Variants in SLC16A5 observed in about 807,000 individuals in gnomAD.
SLC16A5 encodes the protein solute carrier family 16 member 5, also known as monocarboxylate transporter 6.
SLC16A5 carries 29 observed loss-of-function variants against 33.2 expected under a neutral mutation model. That is an observed-to-expected ratio of 0.87 (90% CI 0.65 to 1.19). SLC16A5 has a LOEUF of 1.19. Ranked by LOEUF, SLC16A5 falls within the 50% of genes most tolerant of loss-of-function variation. The probability of loss-of-function intolerance (pLI) is 0.00; values close to 1 mark genes in which losing one functional copy is unlikely to be tolerated. For synonymous variants in SLC16A5, 248 were observed against 284.1 expected, an observed-to-expected ratio of 0.87 and a Z score of 1.28; for missense variants, 606 against 678.2, an observed-to-expected ratio of 0.89 and a Z score of 1.18.
intron 3 of SLC16A5, among the ~76,000 whole-genome samples, chr17:75,097,305 C>A (rs1388730402): frequency 6.6e-6 from 1 of 152,104 alleles, no homozygotes; most frequent in Non-Finnish European, 1.5e-5. Flanking sequence ...TGCCAAGGAG[C>A]AGTCTGCAGC....
At chr17:75,100,883 G>T in intron 5 of SLC16A5, 67 bp downstream of exon 5, 1 of 1,385,868 alleles carries the variant, frequency 7.2e-7, no homozygotes, top group Non-Finnish European at 9.7e-7. Context: ...ACAGATCTGG[G>T]CCCAGTCCAG....
In SLC16A5 at chr17:75,105,768, C is replaced by G. The variant is rs557848860; in HGVS notation, c.1365-112C>G. On this transcript the variant is annotated intron_variant, in intron 6 of 6. Coordinates refer to ENST00000329783, the MANE Select transcript of SLC16A5 (RefSeq NM_004695.4). ...TGGAGTACGTTTCCCCTCACCCTTC[C>G]TTTCCTCCTAGCTCAGCAAGGGGTG... 821 of 1,425,380 alleles carry G rather than the reference C, an allele frequency of 5.8e-4. 10 individuals are homozygous for G. In the South Asian group the frequency reaches 0.012, roughly 21 times the overall value. The allele number at this position is 1,425,380 out of a possible 1,614,324, so 88.3% of individuals were successfully genotyped here. A position where few individuals can be genotyped will look rare whatever the true frequency, so the allele number is the denominator to read the frequency against.
At chr17:75,097,798 T>A (rs1231465423) in intron 3 of SLC16A5, among the ~76,000 whole-genome samples, 3 of 152,106 alleles carry the variant, frequency 2.0e-5, no homozygotes, top group Non-Finnish European at 4.4e-5. Flanking sequence ...CTCATCAGGG[T>A]CAAACATCGC....
At chr17:75,099,601 A>G (rs1054355450) in intron 4 of SLC16A5, among the ~76,000 whole-genome samples, 3 of 151,614 alleles carry the variant, frequency 2.0e-5, no homozygotes, top group Non-Finnish European at 2.9e-5. Context: ...GCCTGCCACT[A>G]AGCCTGGCTA....
chr17:75,097,712 A>G (rs2073738660), intron 3 of SLC16A5, among the ~76,000 whole-genome samples: 1 of 152,136 alleles, frequency 6.6e-6, no homozygotes. Context: ...TCATGAACCA[A>G]TCCTGTTTCA....
At chr17:75,092,498 T>C (rs1228741312) in intron 2 of SLC16A5, among the ~76,000 whole-genome samples, 1 of 151,864 alleles carries the variant, frequency 6.6e-6, no homozygotes, top group East Asian at 1.9e-4. Context: ...CTGGGATTTT[T>C]GTATGTTTAG....
chr17:75,089,012 G>A (rs2073604749), intron 1 of SLC16A5, 139 bp from the exon 2 acceptor site: 1 of 152,222 alleles, frequency 6.6e-6, no homozygotes, highest in African/African-American at 2.4e-5. Flanking sequence ...GGGCCTAGGG[G>A]TCTTTGAGAG....
chr17:75,102,928 A>G (rs565563128), intron 5 of SLC16A5, among the ~76,000 whole-genome samples: 7 of 148,944 alleles, frequency 4.7e-5, no homozygotes, highest in South Asian at 2.1e-4. Flanking sequence ...GTCTCGCTCT[A>G]TTGCCAGGCT....
intron 6 of SLC16A5, chr17:75,105,361 G>C: frequency 1.0e-6 from 1 of 985,426 alleles, no homozygotes; most frequent in Non-Finnish European, 1.2e-6. Context: ...GGAGAGGAAG[G>C]CTTGCCAGGC....
chr17:75,092,267 C>G (rs1446876961), intron 2 of SLC16A5, among the ~76,000 whole-genome samples: 1 of 151,620 alleles, frequency 6.6e-6, no homozygotes, highest in Non-Finnish European at 1.5e-5. Context: ...GTACATATCT[C>G]TGTGTTCGTG....
chr17:75,091,907 G>A (rs1005916964), intron 2 of SLC16A5, among the ~76,000 whole-genome samples: 1 of 152,220 alleles, frequency 6.6e-6, no homozygotes, highest in African/African-American at 2.4e-5. Flanking sequence ...CAAACTTGGT[G>A]AGGGGACCTT....
chr17:75,089,956 C>T (rs1004063001), intron 2 of SLC16A5: 2 of 151,852 alleles, frequency 1.3e-5, no homozygotes, highest in Admixed American at 1.3e-4. Context: ...TGAAATTACT[C>T]ACTACCTTTG....
In SLC16A5 at chr17:75,100,632, G is replaced by C; in HGVS notation, c.969G>C (p.Ala323=). Residue 323 remains alanine, a synonymous_variant, in exon 5 of 7, where the codon GCG becomes GCC. Transcript: ENST00000329783. ...ATGGGCTCACTAACCTGGTGTGTGC[G>C]GCATCAGGTGACTTCTGGGTGCTCG... is the stretch of plus-strand genomic sequence containing the variant. ...LLNGLTNLVC[A]ASGDFWVLVG... 1 of 1,614,190 alleles carries C rather than the reference G, an allele frequency of 6.2e-7. No homozygotes were observed. The highest frequency in any genetic ancestry group is 8.5e-7 in the Non-Finnish European group (1 of 1,180,038).
intron 6 of SLC16A5, chr17:75,104,585 G>A (rs2073841040): frequency 1.7e-6 from 1 of 596,894 alleles, no homozygotes; most frequent in African/African-American, 2.0e-5. Context: ...CCAAGTAGCT[G>A]AGATTACAGG....
chr17:75,107,305 A>C (rs1030301830), downstream of SLC16A5, among the ~76,000 whole-genome samples: 11 of 143,454 alleles, frequency 7.7e-5, no homozygotes, highest in Admixed American at 7.6e-4. Context: ...CCCCTTCCCA[A>C]AAAAAAAAAA....
Position 75,106,047 on chromosome 17 carries a change from C to G in SLC16A5, c.*14C>G. On this transcript the variant is annotated 3_prime_UTR_variant, in exon 7 of 7. Transcript: ENST00000329783. The stretch of plus-strand genomic sequence containing the variant: ...AGCCCTACCTGAGTGCCCTGTTTGA[C>G]TCCGCCACTATCTGCCATGTGAGTT... 4.4e-6 allele frequency: 6 copies of G among 1,370,404 alleles called. No individual in the cohort carries two copies. The highest frequency in any genetic ancestry group is 6.1e-6 in the Non-Finnish European group (6 of 985,756). The allele number at this position is 1,370,404 out of a possible 1,614,324, so 84.9% of individuals were successfully genotyped here.
chr17:75,105,376 C>G lies in SLC16A5; in HGVS notation c.1365-504C>G, dbSNP rs144746504. ...GGAGAGGAAGGCTTGCCAGGCAGCC[C>G]GAAGACTGTTGTGAAAATGGGGCTG... On this transcript the variant is annotated intron_variant, in intron 6 of 6. Transcript: ENST00000329783. 1,028 of 985,370 alleles carry G rather than the reference C, an allele frequency of 1.0e-3. 31 individuals carry two copies. In the Admixed American group the frequency reaches 0.051, roughly 49 times the overall value. 61.0% of individuals were successfully genotyped at this position (985,370 alleles called of 1,614,324 possible). A position where few individuals can be genotyped will look rare whatever the true frequency, so the allele number is the denominator to read the frequency against.
downstream of SLC16A5, among the ~76,000 whole-genome samples, chr17:75,107,190 C>T (rs1300159704): frequency 9.0e-6 from 1 of 111,288 alleles, no homozygotes; most frequent in Non-Finnish European, 2.4e-5. Context: ...GTCCAAGCCA[C>T]TCAGGAGGCA....
intron 3 of SLC16A5, 47 bp downstream of exon 3, chr17:75,093,882 G>A (rs1212375570): frequency 6.3e-7 from 1 of 1,581,572 alleles, no homozygotes; most frequent in Admixed American, 1.7e-5. Context: ...AGGGGTTGCG[G>A]GGAAGCCACA....
Sources: allele counts gnomAD v4.1 joint callset (sites outside exome capture counted in the v4.1 genomes callset), GRCh38; gene constraint gnomAD v4.1.1; transcripts MANE v1.5; gene names NCBI Gene and HGNC (gene_info 2026-07-23, HGNC 2026-07-21).